TNRC6B: variants seen among roughly 807,000 people sequenced by gnomAD.
TNRC6B encodes the protein trinucleotide repeat containing adaptor 6B.
A neutral mutation model predicts 203.6 loss-of-function variants in TNRC6B; 52 were observed. The ratio of observed to expected loss-of-function variants is 0.26; its 90% CI spans 0.20 to 0.32. The LOEUF (loss-of-function observed/expected upper bound fraction) is 0.32, where lower values mean the gene tolerates loss of function less well. Ranked by LOEUF, TNRC6B falls within the 10% of genes least tolerant of loss-of-function variation. The pLI, the probability that TNRC6B is intolerant of heterozygous loss-of-function variation, is 1.00. For missense variants in TNRC6B, 1,923 were observed against 2,286.2 expected, an observed-to-expected ratio of 0.84 and a Z score of 3.24; for synonymous variants, 838 against 845.7, an observed-to-expected ratio of 0.99 and a Z score of 0.16.
chr22:40,110,024 A>G (rs1320941492), intron 1 of TNRC6B, among the ~76,000 whole-genome samples: 3 of 152,254 alleles, frequency 2.0e-5, no homozygotes, highest in Admixed American at 2.0e-4. Context: ...AGCAGTATAC[A>G]TCTAAAATTT....
At chr22:40,135,213 A>C (rs1464133552) in intron 3 of TNRC6B, among the ~76,000 whole-genome samples, 1 of 152,230 alleles carries the variant, frequency 6.6e-6, no homozygotes, top group East Asian at 1.9e-4. Flanking sequence ...GAAGTCACCC[A>C]GCTTTGCTTC....
intron 1 of TNRC6B, among the ~76,000 whole-genome samples, chr22:40,111,907 C>T (rs768668808): frequency 1.3e-5 from 2 of 152,192 alleles, no homozygotes; most frequent in Non-Finnish European, 2.9e-5. Context: ...TCAAGGCCAG[C>T]CTGGCCAAGA....
Position 40,265,439 on chromosome 22 carries a change from C to T in TNRC6B, c.1209C>T (p.Thr403=). The T allele has an allele frequency of 6.2e-7, 1 of 1,613,996 alleles. No individual in the cohort carries two copies. The highest frequency in any genetic ancestry group is 1.1e-5 in the South Asian group (1 of 91,088). ...GMPFGMGLGN[T]SRSTDAPSQS... ...CCTTTGGAATGGGCTTGGGGAACAC[C>T]TCCAGGAGCACTGATGCCCCTTCAC... Residue 403 remains threonine, a synonymous_variant, in exon 5 of 23, where the codon ACC becomes ACT. Coordinates refer to ENST00000454349, the MANE Select transcript of TNRC6B (RefSeq NM_001162501.2).
At chr22:40,297,248 T>C (rs1419357140) in intron 12 of TNRC6B, among the ~76,000 whole-genome samples, 1 of 152,232 alleles carries the variant, frequency 6.6e-6, no homozygotes, top group African/African-American at 2.4e-5. Context: ...GATTAGTAAC[T>C]GACGATTCCT....
Position 40,160,793 on chromosome 22 carries a change from G to A in TNRC6B, c.113+4611G>A, listed in dbSNP as rs946327625. Among the ~76,000 whole-genome samples the A allele has an allele frequency of 9.9e-5, 15 of 151,924 alleles. No homozygotes were observed. The Middle Eastern group carries it at 0.01, about 103-fold the overall frequency. On this transcript the variant is annotated intron_variant, in intron 4 of 23. Transcript: ENST00000301923. ...TGCCGAGGCTGGTCTCAAACTCTTGGGCTCAGGCTCAAGCAATCCTCCCAC... is the reference window on the plus strand; with the variant it reads ...TGCCGAGGCTGGTCTCAAACTCTTGAGCTCAGGCTCAAGCAATCCTCCCAC...
intron 1 of TNRC6B, among the ~76,000 whole-genome samples, chr22:40,245,074 C>CATTTATTTATTTATTT (rs36155056): frequency 1.2e-4 from 18 of 149,540 alleles, no homozygotes; most frequent in African/African-American, 2.5e-4. Context: ...ATAGGACATA[C>CATTTATTTATTTATTT]ATTTATTTAT....
rs1171945069 is a variant in TNRC6B at position 40,315,946 on chromosome 22, T to C, written c.4908T>C (p.Ser1636=). Residue 1636 remains serine, a synonymous_variant, in exon 21 of 23, where the codon TCT becomes TCC. Transcript: ENST00000454349. ...CATTTTTCTGGTTGCTCATAGCCTC[T>C]ACCTGGAGTGATGGTGGCTCAGTTC... The part of the protein sequence containing the change: ...GTQDSRLASA[S]TWSDGGSVRP... The C allele has an allele frequency of 1.9e-6, 3 of 1,613,738 alleles. No individual in the cohort carries two copies. Among genetic ancestry groups the C allele is most frequent in the East Asian group, 4.5e-5 (2 of 44,890 alleles).
At chr22:40,226,948 C>G (rs904736987) in intron 1 of TNRC6B, among the ~76,000 whole-genome samples, 2 of 151,972 alleles carry the variant, frequency 1.3e-5, no homozygotes, top group Admixed American at 1.3e-4. Flanking sequence ...CTTACTCTAT[C>G]ACCTAGGCTG....
intron 4 of TNRC6B, among the ~76,000 whole-genome samples, chr22:40,167,642 G>A (rs970575633): frequency 7.0e-5 from 10 of 143,612 alleles, no homozygotes; most frequent in Non-Finnish European, 1.3e-4. Flanking sequence ...CACTTTGGGA[G>A]ACCAAAGTGG....
intron 17 of TNRC6B, 139 bp from the exon 18 acceptor site, chr22:40,312,366 T>C (rs1476982117): frequency 6.2e-6 from 6 of 966,444 alleles, no homozygotes; most frequent in African/African-American, 3.3e-5. Flanking sequence ...TTTTTTTCCT[T>C]AATTTTGTGA....
In TNRC6B at chr22:40,226,604, A is replaced by T. The variant is rs576551667; in HGVS notation, c.6-19411A>T. ...ACCTTCCTTGATGGACTGCATTACA[A>T]GTCTCCTCCAATCTTGTTAACTGGA... On this transcript the variant is annotated intron_variant, in intron 1 of 22. Transcript: ENST00000454349. 2.0e-5 allele frequency among the ~76,000 whole-genome samples: 3 copies of T among 152,360 alleles called. No individual in the cohort carries two copies. In the East Asian group the frequency reaches 5.8e-4, roughly 29 times the overall value.
intron 1 of TNRC6B, among the ~76,000 whole-genome samples, chr22:40,087,841 CAG>C (rs1555977781): frequency 6.6e-6 from 1 of 152,100 alleles, no homozygotes; most frequent in Non-Finnish European, 1.5e-5. Flanking sequence ...GCCCTCATCA[CAG>C]AGGCTGCTGT....
At chr22:40,311,790 G>A (rs1395623158) in intron 17 of TNRC6B, among the ~76,000 whole-genome samples, 6 of 152,150 alleles carry the variant, frequency 3.9e-5, no homozygotes, top group South Asian at 4.1e-4. Context: ...TGATCTGCCC[G>A]CCTCGGCCTC....
chr22:40,254,763 T>G (rs893149546), intron 3 of TNRC6B, among the ~76,000 whole-genome samples: 38 of 152,118 alleles, frequency 2.5e-4, no homozygotes, highest in Non-Finnish European at 2.9e-5. Flanking sequence ...GGCATGTGCC[T>G]GTAGTCCCAA....
At chr22:40,129,017 C>T (rs762749305) in intron 3 of TNRC6B, among the ~76,000 whole-genome samples, 1 of 152,064 alleles carries the variant, frequency 6.6e-6, no homozygotes, top group African/African-American at 2.4e-5. Context: ...GGAGGAAGAG[C>T]GTAGCTAGTC....
At chr22:40,044,957 C>T (rs2067672718) in exon 1 of TNRC6B, 1 of 152,128 alleles carries the variant, frequency 6.6e-6, no homozygotes, top group African/African-American at 2.4e-5. Flanking sequence ...CGCCTCGCCT[C>T]ACAGCGAAAC....
At chr22:40,167,170 T>C (rs2068927168) in intron 4 of TNRC6B, among the ~76,000 whole-genome samples, 2 of 152,172 alleles carry the variant, frequency 1.3e-5, no homozygotes, top group Non-Finnish European at 2.9e-5. Context: ...CCATACACAG[T>C]TTTATGAAAA....
In TNRC6B at chr22:40,183,696, G is replaced by T. The variant is rs7291542; in HGVS notation, c.5+5556G>T. Among the ~76,000 whole-genome samples, 693 of 142,998 alleles carry T rather than the reference G, an allele frequency of 4.8e-3. 7 individuals are homozygous for T. Among genetic ancestry groups the T allele is most frequent in the African/African-American group, 0.016 (631 of 39,332 alleles). 93.8% of individuals were successfully genotyped at this position (142,998 alleles called of 152,430 possible). On this transcript the variant is annotated intron_variant, in intron 1 of 22. Coordinates refer to ENST00000454349, the MANE Select transcript of TNRC6B (RefSeq NM_001162501.2). ...TATTTGACTAAATTATTACTAGGTTGTTTTTTTTTTTTTAATATGAGATGG... is the reference window on the plus strand; with the variant it reads ...TATTTGACTAAATTATTACTAGGTTTTTTTTTTTTTTTTAATATGAGATGG...
chr22:40,112,092 T>A (rs2068341282), intron 1 of TNRC6B, among the ~76,000 whole-genome samples: 1 of 151,574 alleles, frequency 6.6e-6, no homozygotes, highest in African/African-American at 2.4e-5. Context: ...AGAGTGAGAC[T>A]CCCTCTCAAA....
Sources: allele counts gnomAD v4.1 joint callset (sites outside exome capture counted in the v4.1 genomes callset), GRCh38; gene constraint gnomAD v4.1.1; transcripts MANE v1.5; gene names NCBI Gene and HGNC (gene_info 2026-07-23, HGNC 2026-07-21).